ADK: variants seen among roughly 807,000 people sequenced by gnomAD.
ADK encodes the protein N6,N6-dimethyladenosine kinase.
Under a neutral mutation model 44.7 loss-of-function variants are expected in ADK, and 24 were observed. The ratio of observed to expected loss-of-function variants is 0.54; its 90% CI spans 0.39 to 0.76. The LOEUF (loss-of-function observed/expected upper bound fraction) is 0.76. ADK is among the 30% of genes least tolerant of loss of function. ADK has a pLI of 0.00. For missense variants in ADK, 321 were observed against 425.1 expected (o/e 0.76, Z 2.15); for synonymous variants, 128 against 142.6 (o/e 0.90, Z 0.73).
chr10:74,458,185 G>A (rs1255736670), intron 6 of ADK, among the ~76,000 whole-genome samples: 3 of 135,030 alleles, frequency 2.2e-5, no homozygotes, highest in Admixed American at 7.8e-5. Context: ...TGGCTGGAGT[G>A]CAGCGGTATG....
At chr10:74,364,703 TG>T (rs1842446006) in intron 4 of ADK, among the ~76,000 whole-genome samples, 2 of 110,916 alleles carry the variant, frequency 1.8e-5, no homozygotes, top group Non-Finnish European at 4.5e-5. Flanking sequence ...TGTGTGTGTG[TG>T]TGTGTGTGTG....
intron 1 of ADK, among the ~76,000 whole-genome samples, chr10:74,169,576 G>GA (rs1410162697): frequency 1.3e-5 from 2 of 152,160 alleles, no homozygotes; most frequent in Non-Finnish European, 2.9e-5. Flanking sequence ...ATTCTCCAGG[G>GA]AAATAAATTG....
At chr10:74,474,515 C>CCTTCCCTTT (rs939442691) in intron 6 of ADK, among the ~76,000 whole-genome samples, 2 of 150,154 alleles carry the variant, frequency 1.3e-5, no homozygotes, top group East Asian at 3.9e-4. Context: ...CCTTCCCTTC[C>CCTTCCCTTT]CTTCCCTTTC....
At chr10:74,355,703 T>A (rs1237336410) in intron 4 of ADK, among the ~76,000 whole-genome samples, 1 of 152,226 alleles carries the variant, frequency 6.6e-6, no homozygotes, top group East Asian at 1.9e-4. Flanking sequence ...TTGTTATTTA[T>A]TTCTATTATC....
chr10:74,169,470 A>G (rs1842109349), intron 1 of ADK, among the ~76,000 whole-genome samples: 1 of 152,170 alleles, frequency 6.6e-6, no homozygotes, highest in South Asian at 2.1e-4. Context: ...CTCACAGAAA[A>G]TAAAGAAGTA....
At chr10:74,264,938 A>G (rs1278615968) in intron 3 of ADK, among the ~76,000 whole-genome samples, 1 of 152,094 alleles carries the variant, frequency 6.6e-6, no homozygotes, top group Non-Finnish European at 1.5e-5. Flanking sequence ...CCCTATACCA[A>G]TGTTTCAGTT....
intron 3 of ADK, among the ~76,000 whole-genome samples, chr10:74,252,249 C>G (rs1426796976): frequency 6.6e-6 from 1 of 152,118 alleles, no homozygotes; most frequent in Non-Finnish European, 1.5e-5. Flanking sequence ...AACTTGGATC[C>G]TTAATGATCT....
At chr10:74,266,102 A>T (rs902320417) in intron 3 of ADK, among the ~76,000 whole-genome samples, 1 of 152,224 alleles carries the variant, frequency 6.6e-6, no homozygotes, top group Non-Finnish European at 1.5e-5. Context: ...TGGAAGGATT[A>T]CTAAAGAAAA....
At chr10:74,438,851 A>G (rs1333699075) in intron 6 of ADK, among the ~76,000 whole-genome samples, 2 of 152,122 alleles carry the variant, frequency 1.3e-5, no homozygotes, top group East Asian at 3.9e-4. Context: ...ATTATCTATT[A>G]TATATATCAT....
intron 1 of ADK, among the ~76,000 whole-genome samples, chr10:74,165,157 G>A (rs922593486): frequency 8.5e-5 from 13 of 152,170 alleles, no homozygotes; most frequent in African/African-American, 3.1e-4. Flanking sequence ...TGTGAAAGCA[G>A]CAGATTTCAG....
intron 4 of ADK, among the ~76,000 whole-genome samples, chr10:74,374,745 G>A (rs1462499316): frequency 6.6e-6 from 1 of 151,986 alleles, no homozygotes; most frequent in Non-Finnish European, 1.5e-5. Flanking sequence ...GTCTCTCTGT[G>A]TTTTTTGTGT....
intron 7 of ADK, among the ~76,000 whole-genome samples, chr10:74,550,161 C>G (rs1194840014): frequency 2.0e-5 from 3 of 151,656 alleles, no homozygotes; most frequent in Non-Finnish European, 4.4e-5. Context: ...ACCTCTGCCT[C>G]CCGGGTTCAA....
rs1842021259 is a variant in ADK, at chr10:74,353,134, A to G, written c.273+38389A>G. ...GCACACATGTGTTTATTGTAGCGCTATTTACAATAGCAAAGGCTTAGAACC... is the reference window on the plus strand; with the variant it reads ...GCACACATGTGTTTATTGTAGCGCTGTTTACAATAGCAAAGGCTTAGAACC... On this transcript the variant is annotated intron_variant, in intron 4 of 10. Transcript: ENST00000539909. Among the ~76,000 whole-genome samples the G allele has an allele frequency of 1.3e-5, 2 of 152,210 alleles. 1 individual carries two copies. The highest frequency in any genetic ancestry group is 4.8e-5 in the African/African-American group (2 of 41,448).
At chr10:74,522,175 A>T (rs1354284241) in intron 6 of ADK, among the ~76,000 whole-genome samples, 1 of 152,218 alleles carries the variant, frequency 6.6e-6, no homozygotes, top group African/African-American at 2.4e-5. Flanking sequence ...AAAGACCAGC[A>T]AAAACTGTAT....
At chr10:74,366,141 G>A (rs760456613) in intron 4 of ADK, among the ~76,000 whole-genome samples, 2 of 152,114 alleles carry the variant, frequency 1.3e-5, no homozygotes, top group Non-Finnish European at 2.9e-5. Flanking sequence ...TCAAAGCAGA[G>A]CCATATTTTG....
chr10:74,190,529 T>G (rs1842922982), intron 1 of ADK, among the ~76,000 whole-genome samples: 1 of 152,232 alleles, frequency 6.6e-6, no homozygotes, highest in South Asian at 2.1e-4. Flanking sequence ...TTTGGTTAGC[T>G]TGTTTGCCCC....
chr10:74,611,523 G>A (rs1440799268), intron 9 of ADK, among the ~76,000 whole-genome samples: 1 of 150,812 alleles, frequency 6.6e-6, no homozygotes, highest in African/African-American at 2.4e-5. Flanking sequence ...AATTGGGGGA[G>A]GGTGTGATAC....
At chr10:74,331,779 C>T (rs1479143810) in intron 4 of ADK, among the ~76,000 whole-genome samples, 1 of 152,192 alleles carries the variant, frequency 6.6e-6, no homozygotes, top group Non-Finnish European at 1.5e-5. Flanking sequence ...AGCCACTGCA[C>T]CCAGCCAACA....
intron 4 of ADK, among the ~76,000 whole-genome samples, chr10:74,350,029 G>T (rs1370993389): frequency 6.6e-6 from 1 of 152,150 alleles, no homozygotes; most frequent in African/African-American, 2.4e-5. Flanking sequence ...GGTTATTCAG[G>T]ACTTGAACTA....
Sources: gnomAD v4.1 joint callset for allele counts (sites outside exome capture counted in the v4.1 genomes callset) on GRCh38, gnomAD v4.1.1 for gene constraint, MANE v1.5 for transcripts, NCBI Gene and HGNC (gene_info 2026-07-23, HGNC 2026-07-21) for gene names.